Variants in KCNT2 observed in about 807,000 individuals in gnomAD.
KCNT2 encodes potassium sodium-activated channel subfamily T member 2.
KCNT2 carries 67 observed loss-of-function variants against 153.8 expected under a neutral mutation model. That is an observed-to-expected ratio of 0.44 (90% confidence interval 0.36 to 0.53). KCNT2 has a LOEUF of 0.53. KCNT2 is among the 20% of genes least tolerant of loss of function. The pLI, the probability that KCNT2 is intolerant of heterozygous loss-of-function variation, is 0.00. For synonymous variants in KCNT2, 500 were observed against 458.8 expected (o/e 1.09, Z -1.15); for missense variants, 975 against 1,354.8 (o/e 0.72, Z 4.40).
At chr1:196,290,040 A>G (rs1292275630) in intron 22 of KCNT2, among the ~76,000 whole-genome samples, 2 of 152,052 alleles carry the variant, frequency 1.3e-5, no homozygotes, top group Non-Finnish European at 2.9e-5. Context: ...TCAATACCAT[A>G]TGGAATGAGA....
At chr1:196,317,532 A>G (rs1427453129) in intron 20 of KCNT2, among the ~76,000 whole-genome samples, 1 of 151,688 alleles carries the variant, frequency 6.6e-6, no homozygotes, top group Non-Finnish European at 1.5e-5. Flanking sequence ...CCACCTTATC[A>G]TAATTTTACA....
intron 27 of KCNT2, among the ~76,000 whole-genome samples, chr1:196,228,884 G>T (rs921677497): frequency 2.0e-5 from 3 of 151,998 alleles, no homozygotes; most frequent in African/African-American, 7.2e-5. Flanking sequence ...TTTAACAAAT[G>T]TTATAGTGAA....
At chr1:196,288,869 A>T (rs1056668801) in intron 22 of KCNT2, among the ~76,000 whole-genome samples, 6 of 152,074 alleles carry the variant, frequency 3.9e-5, no homozygotes, top group Non-Finnish European at 8.8e-5. Flanking sequence ...AATACAACAT[A>T]CAATGGTTTG....
intron 5 of KCNT2, among the ~76,000 whole-genome samples, chr1:196,475,901 G>A (rs866606796): frequency 3.3e-5 from 5 of 152,080 alleles, no homozygotes; most frequent in East Asian, 3.9e-4. Flanking sequence ...TTCCTCCATC[G>A]AAGCCATTAA....
intron 26 of KCNT2, among the ~76,000 whole-genome samples, chr1:196,255,395 G>A (rs1434219549): frequency 6.6e-6 from 1 of 151,610 alleles, no homozygotes; most frequent in Non-Finnish European, 1.5e-5. Context: ...AAATTATATT[G>A]AAGAAAGTTA....
At chr1:196,353,351 T>C (rs1322376383) in intron 14 of KCNT2, among the ~76,000 whole-genome samples, 1 of 151,970 alleles carries the variant, frequency 6.6e-6, no homozygotes, top group East Asian at 1.9e-4. Flanking sequence ...CCTCTATCTG[T>C]CACCCTCTCC....
intron 3 of KCNT2, among the ~76,000 whole-genome samples, chr1:196,483,160 C>T (rs773666171): frequency 1.2e-4 from 19 of 152,088 alleles, no homozygotes; most frequent in Non-Finnish European, 1.2e-4. Flanking sequence ...TTTAAGTAAA[C>T]GGTGCCAAAT....
At chr1:196,383,454 T>A (rs1043787978) in intron 13 of KCNT2, among the ~76,000 whole-genome samples, 1 of 152,164 alleles carries the variant, frequency 6.6e-6, no homozygotes, top group Non-Finnish European at 1.5e-5. Context: ...TTGATAAAAG[T>A]CTGTGGAATG....
chr1:196,603,745 T>TGTTA (rs1664998796), intron 1 of KCNT2, among the ~76,000 whole-genome samples: 1 of 48,738 alleles, frequency 2.1e-5, no homozygotes, highest in Non-Finnish European at 8.9e-5. Context: ...ACTAGAATGG[T>TGTTA]CTTAAATAAA....
intron 8 of KCNT2, among the ~76,000 whole-genome samples, chr1:196,434,261 A>G (rs1032107551): frequency 1.3e-5 from 2 of 152,090 alleles, no homozygotes; most frequent in African/African-American, 4.8e-5. Context: ...TTTTTGCTTA[A>G]CTTCTTTATA....
intron 13 of KCNT2, among the ~76,000 whole-genome samples, chr1:196,390,504 C>T (rs1670380427): frequency 6.6e-6 from 1 of 151,422 alleles, no homozygotes; most frequent in African/African-American, 2.4e-5. Flanking sequence ...TCTCACTCCC[C>T]ATTTCCATTA....
At chr1:196,500,371 A>G (rs569861615) in intron 1 of KCNT2, among the ~76,000 whole-genome samples, 32 of 152,250 alleles carry the variant, frequency 2.1e-4, no homozygotes, top group Non-Finnish European at 3.5e-4. Flanking sequence ...TGACTGGCCC[A>G]AATTCATACA....
intron 7 of KCNT2, among the ~76,000 whole-genome samples, chr1:196,466,423 A>G (rs939815370): frequency 5.3e-5 from 8 of 152,052 alleles, no homozygotes; most frequent in African/African-American, 1.9e-4. Flanking sequence ...GTTTAGAAAC[A>G]TTCATCTAGT....
At position 196,226,850 on chromosome 1, in the gene KCNT2, TA is replaced by T. The variant is rs1310695908; in HGVS notation, c.*1373del. On this transcript the variant is annotated 3_prime_UTR_variant, in exon 28 of 28. Coordinates refer to ENST00000294725, the MANE Select transcript of KCNT2 (RefSeq NM_198503.5). ...TAAACTCAATGTCAAATTCAAAAAT[TA>T]AAAAATACAAAATTAGAACAGTATG... is the stretch of plus-strand genomic sequence containing the variant. 1 of 151,970 alleles carries T rather than the reference TA, an allele frequency of 6.6e-6. No homozygotes were observed. The highest frequency in any genetic ancestry group is 1.9e-4 in the East Asian group (1 of 5,198). The allele number at this position is 151,970 out of a possible 1,614,324, so 9.4% of individuals were successfully genotyped here. A position where few individuals can be genotyped will look rare whatever the true frequency, so the allele number is the denominator to read the frequency against.
At chr1:196,357,096 A>C (rs530139679) in intron 14 of KCNT2, among the ~76,000 whole-genome samples, 2 of 151,990 alleles carry the variant, frequency 1.3e-5, no homozygotes, top group East Asian at 3.9e-4. Flanking sequence ...TTTTTATTTC[A>C]ATATTTATTT....
At chr1:196,292,676 G>C (rs1188327852) in intron 22 of KCNT2, among the ~76,000 whole-genome samples, 3 of 152,000 alleles carry the variant, frequency 2.0e-5, no homozygotes, top group Admixed American at 1.3e-4. Context: ...GCGCCTTGGC[G>C]GGCGCCTGTG....
At chr1:196,469,387 A>G (rs1347834047) in intron 5 of KCNT2, among the ~76,000 whole-genome samples, 1 of 152,194 alleles carries the variant, frequency 6.6e-6, no homozygotes, top group East Asian at 1.9e-4. Flanking sequence ...ACCTACAGTC[A>G]ATTAAAAAGT....
chr1:196,344,819 G>A (rs1391680448), intron 14 of KCNT2, among the ~76,000 whole-genome samples: 2 of 152,092 alleles, frequency 1.3e-5, no homozygotes, highest in Non-Finnish European at 2.9e-5. Context: ...GCTATTTTAT[G>A]CTGGCACATT....
At chr1:196,552,559 C>T (rs1285740088) in intron 1 of KCNT2, among the ~76,000 whole-genome samples, 1 of 151,166 alleles carries the variant, frequency 6.6e-6, no homozygotes, top group Non-Finnish European at 1.5e-5. Context: ...TGTTAATAAG[C>T]AAGAAAAGAT....
Sources: allele counts gnomAD v4.1 joint callset (sites outside exome capture counted in the v4.1 genomes callset), GRCh38; gene constraint gnomAD v4.1.1; transcripts MANE v1.5; gene names NCBI Gene and HGNC (gene_info 2026-07-23, HGNC 2026-07-21).